The following HDAC9 variants were observed in gnomAD, a reference collection of about 807,000 sequenced individuals.
HDAC9 encodes MEF-2 interacting transcription repressor (MITR) protein.
In HDAC9, 41 loss-of-function variants were observed where a neutral mutation model predicts 139.4. That is an observed-to-expected ratio of 0.29 (90% CI 0.23 to 0.38). HDAC9 has a LOEUF of 0.38. HDAC9 is among the 10% of genes least tolerant of loss of function. The pLI, the probability that HDAC9 is intolerant of heterozygous loss-of-function variation, is 1.00. For synonymous variants in HDAC9, 517 were observed against 476.2 expected (o/e 1.09, Z -1.12); for missense variants, 1,147 against 1,297.0 (o/e 0.88, Z 1.78).
At chr7:18,219,556 A>G (rs930712960) in intron 2 of HDAC9, among the ~76,000 whole-genome samples, 1 of 152,128 alleles carries the variant, frequency 6.6e-6, no homozygotes, top group Non-Finnish European at 1.5e-5. Context: ...AACATTTGTC[A>G]AGGAATAAAA....
At chr7:18,296,782 T>A (rs1315610174) in intron 1 of HDAC9, among the ~76,000 whole-genome samples, 1 of 152,128 alleles carries the variant, frequency 6.6e-6, no homozygotes, top group Non-Finnish European at 1.5e-5. Flanking sequence ...TAGAAAGAAG[T>A]AGACATTTCT....
chr7:18,166,714 CCT>C (rs1301202243), intron 2 of HDAC9, among the ~76,000 whole-genome samples: 1 of 152,072 alleles, frequency 6.6e-6, no homozygotes, highest in African/African-American at 2.4e-5. Context: ...AAGGCCTGCC[CCT>C]GTTTTTAAAA....
At position 18,931,395 on chromosome 7, in the gene HDAC9, A is replaced by T. The variant is rs144898881; in HGVS notation, c.2804-4414A>T. On this transcript the variant is annotated intron_variant, in intron 22 of 25. Transcript: ENST00000686413. ...ATAATGAGGTCCATAGGAATTGAGA[A>T]AAACTAAAATGCTTGATAACAGTTT... Among the ~76,000 whole-genome samples the T allele has an allele frequency of 8.5e-5, 13 of 152,360 alleles. No homozygotes were observed. The East Asian group carries it at 2.5e-3, about 29-fold the overall frequency.
At chr7:18,216,344 A>G (rs1157085420) in intron 2 of HDAC9, among the ~76,000 whole-genome samples, 1 of 152,168 alleles carries the variant, frequency 6.6e-6, no homozygotes, top group Non-Finnish European at 1.5e-5. Context: ...TATTATAAGT[A>G]TACATAATCT....
chr7:18,906,786 C>G (rs1489990102), intron 22 of HDAC9, among the ~76,000 whole-genome samples: 1 of 152,190 alleles, frequency 6.6e-6, no homozygotes, highest in Non-Finnish European at 1.5e-5. Context: ...AGATTACAAT[C>G]CACCTGTTCT....
At chr7:18,948,023 C>T (rs1782523190) in intron 23 of HDAC9, among the ~76,000 whole-genome samples, 1 of 151,728 alleles carries the variant, frequency 6.6e-6, no homozygotes. Context: ...GATAAACTAC[C>T]CAATCATAAT....
chr7:18,514,176 T>A (rs1232214664), intron 2 of HDAC9, among the ~76,000 whole-genome samples: 1 of 152,224 alleles, frequency 6.6e-6, no homozygotes, highest in Non-Finnish European at 1.5e-5. Context: ...GCATATACAA[T>A]GTATGTATTA....
chr7:18,561,587 A>G (rs1820620233), intron 2 of HDAC9, among the ~76,000 whole-genome samples: 1 of 152,168 alleles, frequency 6.6e-6, no homozygotes, highest in Non-Finnish European at 1.5e-5. Flanking sequence ...ATTAGCATCA[A>G]TTCCCATTCT....
intron 2 of HDAC9, among the ~76,000 whole-genome samples, chr7:18,267,685 T>C (rs1796090033): frequency 1.3e-5 from 2 of 152,164 alleles, no homozygotes; most frequent in Non-Finnish European, 2.9e-5. Flanking sequence ...ATTTTCTTTA[T>C]TCTTTCTTTA....
chr7:18,315,236 G>GCA (rs1181710025), intron 1 of HDAC9, among the ~76,000 whole-genome samples: 6 of 152,064 alleles, frequency 3.9e-5, no homozygotes, highest in Admixed American at 3.9e-4. Flanking sequence ...TATTTATTGA[G>GCA]CACTTAGTAG....
chr7:18,377,884 T>A lies in HDAC9; in HGVS notation c.-42+87369T>A, dbSNP rs778273168. 6.6e-5 allele frequency among the ~76,000 whole-genome samples: 10 copies of A among 152,196 alleles called. No homozygotes were observed. In the East Asian group the frequency reaches 1.2e-3, roughly 18 times the overall value. On this transcript the variant is annotated intron_variant, in intron 1 of 3. Transcript: ENST00000413509. ...TTCCTTTTGTTCTCCAGATTTAAAGTAGACATTTGGTCCTGTAGATAGAGT... is the reference window on the plus strand; with the variant it reads ...TTCCTTTTGTTCTCCAGATTTAAAGAAGACATTTGGTCCTGTAGATAGAGT...
chr7:18,915,153 C>T (rs1803075103), intron 22 of HDAC9, among the ~76,000 whole-genome samples: 1 of 151,940 alleles, frequency 6.6e-6, no homozygotes, highest in African/African-American at 2.4e-5. Flanking sequence ...ATCTGTCAGG[C>T]CATATTTGAA....
intron 21 of HDAC9, among the ~76,000 whole-genome samples, chr7:18,871,283 G>T (rs1272972637): frequency 6.6e-6 from 1 of 151,912 alleles, no homozygotes; most frequent in African/African-American, 2.4e-5. Context: ...GCATTTTTTT[G>T]ACTTCTGTCA....
chr7:18,120,237 C>G (rs1784279006), intron 1 of HDAC9, among the ~76,000 whole-genome samples: 1 of 152,262 alleles, frequency 6.6e-6, no homozygotes, highest in African/African-American at 2.4e-5. Flanking sequence ...TGCTCAATAT[C>G]TTACATTGCA....
intron 22 of HDAC9, among the ~76,000 whole-genome samples, chr7:18,932,848 A>AAGAAAG (rs1804880976): frequency 1.4e-5 from 2 of 138,322 alleles, no homozygotes; most frequent in African/African-American, 2.8e-5. Context: ...AGGAAGGAAA[A>AAGAAAG]AAAGAAAGAA....
intron 2 of HDAC9, among the ~76,000 whole-genome samples, chr7:18,571,616 A>AT (rs1379590092): frequency 6.6e-6 from 1 of 151,504 alleles, no homozygotes; most frequent in African/African-American, 2.4e-5. Context: ...ACTTTATTTT[A>AT]TTTTTTATTT....
At chr7:18,964,244 C>G (rs1176159402) in intron 24 of HDAC9, among the ~76,000 whole-genome samples, 1 of 152,066 alleles carries the variant, frequency 6.6e-6, no homozygotes, top group Non-Finnish European at 1.5e-5. Flanking sequence ...TCCTCAAGAC[C>G]TTCATATATT....
chr7:18,891,904 G>C (rs995560302), intron 22 of HDAC9, among the ~76,000 whole-genome samples: 1 of 152,120 alleles, frequency 6.6e-6, no homozygotes, highest in Non-Finnish European at 1.5e-5. Flanking sequence ...TATTTGATTA[G>C]ATCCAGCTTA....
intron 1 of HDAC9, among the ~76,000 whole-genome samples, chr7:18,360,770 G>A (rs1183092891): frequency 2.0e-5 from 3 of 152,016 alleles, no homozygotes; most frequent in African/African-American, 4.8e-5. Context: ...CAGTAAAAAT[G>A]TTTACTTTCC....
Sources: allele counts gnomAD v4.1 joint callset (sites outside exome capture counted in the v4.1 genomes callset), GRCh38; gene constraint gnomAD v4.1.1; transcripts MANE v1.5; gene names NCBI Gene and HGNC (gene_info 2026-07-23, HGNC 2026-07-21).